MSRA: variants seen among roughly 807,000 people sequenced by gnomAD.
MSRA encodes mitochondrial peptide methionine sulfoxide reductase.
In MSRA, 54 loss-of-function variants were observed where a neutral mutation model predicts 31.3. The ratio of observed to expected loss-of-function variants is 1.73; its 90% CI spans 1.39 to 2.17. The LOEUF (loss-of-function observed/expected upper bound fraction) is 2.17, where lower values mean the gene tolerates loss of function less well. Among genes scored for constraint, MSRA ranks in the 30% most tolerant of loss-of-function variants. The pLI, the probability that MSRA is intolerant of heterozygous loss-of-function variation, is 0.00. For synonymous variants in MSRA, 169 were observed against 116.5 expected, an observed-to-expected ratio of 1.45 and a Z score of -2.90; for missense variants, 507 against 300.9, an observed-to-expected ratio of 1.69 and a Z score of -5.07.
At chr8:10,350,023 A>G (rs1039217137) in intron 5 of MSRA, among the ~76,000 whole-genome samples, 1 of 152,236 alleles carries the variant, frequency 6.6e-6, no homozygotes, top group Non-Finnish European at 1.5e-5. Context: ...CCCTGAGTAG[A>G]AATGATGGAC....
At chr8:10,181,784 G>C (rs181225879) in intron 1 of MSRA, among the ~76,000 whole-genome samples, 28 of 152,250 alleles carry the variant, frequency 1.8e-4, no homozygotes, top group African/African-American at 5.8e-4. Flanking sequence ...GGACTTCCTG[G>C]GGTCACATAG....
At chr8:10,250,474 C>A (rs536452319) in intron 3 of MSRA, 1 of 702,278 alleles carries the variant, frequency 1.4e-6, no homozygotes, top group Non-Finnish European at 2.6e-6. Flanking sequence ...TTTTAGAAAT[C>A]TGCACAGCCA....
intron 5 of MSRA, among the ~76,000 whole-genome samples, chr8:10,398,195 C>T (rs573618972): frequency 7.9e-5 from 12 of 152,338 alleles, no homozygotes; most frequent in African/African-American, 2.2e-4. Flanking sequence ...AAGTTCTTTT[C>T]GCTCAGTCCA....
At chr8:10,421,300 A>T (rs1055823435) in intron 5 of MSRA, among the ~76,000 whole-genome samples, 1 of 152,198 alleles carries the variant, frequency 6.6e-6, no homozygotes, top group East Asian at 1.9e-4. Flanking sequence ...AGAAACAGGA[A>T]TAAGAAGCCT....
chr8:10,375,065 C>T (rs1032580547), intron 5 of MSRA, among the ~76,000 whole-genome samples: 1 of 152,204 alleles, frequency 6.6e-6, no homozygotes, highest in African/African-American at 2.4e-5. Context: ...TATGCTTGTG[C>T]AGCCTGCAGA....
chr8:10,102,596 C>T (rs554081515), intron 1 of MSRA, among the ~76,000 whole-genome samples: 1 of 152,168 alleles, frequency 6.6e-6, no homozygotes, highest in Non-Finnish European at 1.5e-5. Context: ...TCAATGTTGG[C>T]ATCTCTTGAC....
chr8:10,381,603 A>G (rs1806075105), intron 5 of MSRA, among the ~76,000 whole-genome samples: 1 of 152,172 alleles, frequency 6.6e-6, no homozygotes, highest in African/African-American at 2.4e-5. Context: ...ACGAACACAC[A>G]TGCCCTCAAA....
chr8:10,331,008 C>T (rs1337431149), intron 5 of MSRA, among the ~76,000 whole-genome samples: 3 of 152,182 alleles, frequency 2.0e-5, no homozygotes, highest in Admixed American at 6.5e-5. Flanking sequence ...TACGAAGAGA[C>T]ACCAGGGAGC....
At chr8:10,183,666 A>G (rs556223425) in intron 1 of MSRA, among the ~76,000 whole-genome samples, 22 of 152,084 alleles carry the variant, frequency 1.4e-4, no homozygotes, top group South Asian at 2.1e-4. Flanking sequence ...TCTTTTTTCA[A>G]TCTTTTTTCC....
chr8:10,060,138 C>T (rs547934448), intron 1 of MSRA, among the ~76,000 whole-genome samples: 1 of 152,056 alleles, frequency 6.6e-6, no homozygotes, highest in Non-Finnish European at 1.5e-5. Flanking sequence ...AACTGCTATG[C>T]ATGCCAAATG....
chr8:10,219,806 CAAAAAAAAAA>C (rs59393980), intron 2 of MSRA, among the ~76,000 whole-genome samples: 4 of 57,116 alleles, frequency 7.0e-5, no homozygotes, highest in African/African-American at 2.7e-4. Flanking sequence ...ACTCTGTCTC[CAAAAAAAAAA>C]AAAAAAAAAA....
chr8:10,177,976 C>G (rs1164479149), intron 1 of MSRA, among the ~76,000 whole-genome samples: 2 of 152,134 alleles, frequency 1.3e-5, no homozygotes, highest in African/African-American at 2.4e-5. Flanking sequence ...AGGTCAAGAA[C>G]CTGTTCATCT....
intron 1 of MSRA, among the ~76,000 whole-genome samples, chr8:10,094,259 A>G (rs1799006533): frequency 1.3e-5 from 2 of 152,198 alleles, no homozygotes; most frequent in Non-Finnish European, 2.9e-5. Context: ...ACTTAATAGA[A>G]TTTCAGATTG....
intron 1 of MSRA, among the ~76,000 whole-genome samples, chr8:10,079,148 A>C (rs1798150572): frequency 6.6e-6 from 1 of 152,044 alleles, no homozygotes; most frequent in African/African-American, 2.4e-5. Flanking sequence ...CTGGCTCAGC[A>C]TATGATGTGG....
chr8:10,234,363 G>T (rs1442127689), intron 2 of MSRA, among the ~76,000 whole-genome samples: 1 of 152,110 alleles, frequency 6.6e-6, no homozygotes, highest in East Asian at 1.9e-4. Context: ...TTGAGTTTGG[G>T]AGAAGGTTAG....
At chr8:10,095,963 C>T in intron 1 of MSRA, 1 of 1,371,800 alleles carries the variant, frequency 7.3e-7, no homozygotes, top group Non-Finnish European at 9.5e-7. Context: ...TATTAATTTT[C>T]TACAAAATAA....
At chr8:10,148,186 G>C (rs576933789) in intron 1 of MSRA, among the ~76,000 whole-genome samples, 2 of 152,162 alleles carry the variant, frequency 1.3e-5, no homozygotes, top group Non-Finnish European at 2.9e-5. Context: ...TTCTGGAAAC[G>C]CAAGGATGGG....
intron 3 of MSRA, among the ~76,000 whole-genome samples, chr8:10,262,742 C>A (rs1408944890): frequency 6.6e-6 from 1 of 152,160 alleles, no homozygotes; most frequent in African/African-American, 2.4e-5. Flanking sequence ...CAGAGTAGTT[C>A]TGGGAAGGTG....
chr8:10,196,713 CTAATTTTTTTTTATTTT>C (rs1259149648), intron 1 of MSRA, among the ~76,000 whole-genome samples: 2 of 151,928 alleles, frequency 1.3e-5, no homozygotes, highest in African/African-American at 2.4e-5. Context: ...CCATGCCCGG[CTAATTTTTTTTTATTTT>C]TAATTTTTTT....
Sources: gnomAD v4.1 joint callset for allele counts (sites outside exome capture counted in the v4.1 genomes callset) on GRCh38, gnomAD v4.1.1 for gene constraint, MANE v1.5 for transcripts, NCBI Gene and HGNC (gene_info 2026-07-23, HGNC 2026-07-21) for gene names.